JAZF1: variants seen among roughly 807,000 people sequenced by gnomAD.
The protein encoded by JAZF1 is JAZF zinc finger 1.
JAZF1 carries 8 observed loss-of-function variants against 26.4 expected under a neutral mutation model. That is an observed-to-expected ratio of 0.30 (90% CI 0.18 to 0.55). The LOEUF is 0.55. JAZF1 is among the 20% of genes least tolerant of loss of function. JAZF1 has a pLI of 0.94. For missense variants in JAZF1, 199 were observed against 322.0 expected (o/e 0.62, Z 2.92); for synonymous variants, 126 against 122.3 (o/e 1.03, Z -0.20).
chr7:28,090,868 G>A (rs1319694041), intron 1 of JAZF1, among the ~76,000 whole-genome samples: 4 of 133,850 alleles, frequency 3.0e-5, no homozygotes, highest in Non-Finnish European at 4.6e-5. Context: ...CACCCAGGCC[G>A]GACTGCGGAC....
chr7:27,919,752 C>G (rs1784499781), intron 2 of JAZF1, among the ~76,000 whole-genome samples: 1 of 152,206 alleles, frequency 6.6e-6, no homozygotes, highest in South Asian at 2.1e-4. Context: ...ATTGGACCAG[C>G]AGTCCAATTC....
intron 1 of JAZF1, among the ~76,000 whole-genome samples, chr7:28,170,381 GTGTGTGTGTGTGTA>G (rs1388702558): frequency 5.5e-5 from 7 of 126,214 alleles, no homozygotes; most frequent in South Asian, 2.4e-4. Context: ...GTGTGTGTGT[GTGTGTGTGTGTGTA>G]TGTGTGTATG....
Position 27,840,909 on chromosome 7 carries a change from T to C in JAZF1, c.386-42A>G, listed in dbSNP as rs372394437. ...GTGCAAGGACTGTCAGGAGCGCTCA[T>C]CTCCCCACAGGTTCACCCGGCCACT... is the stretch of plus-strand genomic sequence containing the variant. On this transcript the variant is annotated intron_variant, in intron 3 of 4. Coordinates refer to ENST00000283928, the MANE Select transcript of JAZF1 (RefSeq NM_175061.4). The surrounding 1 kb of genome is among the most constrained non-coding windows in gnomAD (Gnocchi z 5.1). The C allele has an allele frequency of 3.2e-5, 51 of 1,603,544 alleles. 1 individual carries two copies. In the South Asian group the frequency reaches 4.1e-4, roughly 13 times the overall value.
At chr7:28,043,569 T>G (rs1285840118) in intron 1 of JAZF1, among the ~76,000 whole-genome samples, 1 of 152,182 alleles carries the variant, frequency 6.6e-6, no homozygotes, top group Non-Finnish European at 1.5e-5. Flanking sequence ...ACAGCCATTG[T>G]AGAAAACTGG....
intron 3 of JAZF1, among the ~76,000 whole-genome samples, chr7:27,857,045 C>T (rs189666944): frequency 0.011 from 1,709 of 152,380 alleles, 42 homozygotes; most frequent in African/African-American, 0.039. Context: ...AGTCCCGCGC[C>T]GTGTGCCTGC....
At chr7:28,062,230 G>A (rs762183742) in intron 1 of JAZF1, among the ~76,000 whole-genome samples, 1 of 152,080 alleles carries the variant, frequency 6.6e-6, no homozygotes, top group Non-Finnish European at 1.5e-5. Context: ...GACTGGACTC[G>A]AAGCATTTCT....
intron 1 of JAZF1, among the ~76,000 whole-genome samples, chr7:28,069,265 T>C (rs934758542): frequency 3.3e-5 from 5 of 152,216 alleles, no homozygotes; most frequent in Admixed American, 3.3e-4. Context: ...AGAACTGACC[T>C]TCCTCACCAA....
intron 3 of JAZF1, among the ~76,000 whole-genome samples, chr7:27,884,436 T>C (rs1054124554): frequency 5.9e-5 from 9 of 152,224 alleles, no homozygotes; most frequent in African/African-American, 2.2e-4. Flanking sequence ...AGGTATATAA[T>C]TGGATGAGCT....
intron 2 of JAZF1, among the ~76,000 whole-genome samples, chr7:27,985,137 C>G (rs1370357782): frequency 6.6e-6 from 1 of 152,004 alleles, no homozygotes; most frequent in Non-Finnish European, 1.5e-5. Context: ...ACACAAAAAC[C>G]CTTCAAAAAA....
intron 1 of JAZF1, among the ~76,000 whole-genome samples, chr7:28,107,501 C>G (rs1192213850): frequency 6.6e-6 from 1 of 152,162 alleles, no homozygotes; most frequent in Non-Finnish European, 1.5e-5. Flanking sequence ...TGACATACAG[C>G]ATGAAACAGC....
At chr7:28,178,062 T>A (rs1783574330) in intron 1 of JAZF1, among the ~76,000 whole-genome samples, 1 of 152,228 alleles carries the variant, frequency 6.6e-6, no homozygotes, top group Non-Finnish European at 1.5e-5. Flanking sequence ...TCAACTGTGT[T>A]AGCCCTGCAA....
chr7:28,121,114 C>A (rs112199747), intron 1 of JAZF1, among the ~76,000 whole-genome samples: 4 of 147,210 alleles, frequency 2.7e-5, no homozygotes, highest in Non-Finnish European at 5.9e-5. Flanking sequence ...GCTGAAGAAC[C>A]CTTTGAATCT....
intron 1 of JAZF1, among the ~76,000 whole-genome samples, chr7:28,013,220 T>C (rs1285985538): frequency 6.6e-6 from 1 of 152,184 alleles, no homozygotes; most frequent in Non-Finnish European, 1.5e-5. Flanking sequence ...CTAAGCTCCC[T>C]GGGGACAAGC....
chr7:27,862,695 C>T (rs962606715), intron 3 of JAZF1, among the ~76,000 whole-genome samples: 1 of 152,154 alleles, frequency 6.6e-6, no homozygotes, highest in African/African-American at 2.4e-5. Flanking sequence ...AAGTCAGTGA[C>T]CTCTTTTCCA....
chr7:28,108,021 C>T lies in JAZF1; in HGVS notation c.115+72442G>A, dbSNP rs115593248. On this transcript the variant is annotated intron_variant, in intron 1 of 4. Transcript: ENST00000283928. Reference sequence around the variant, plus strand: ...ACAATGAGCTCCCAGGTCCCAGAGGCCCACTGATCAGACCTGGGGGGTGGG... The same window carrying T: ...ACAATGAGCTCCCAGGTCCCAGAGGTCCACTGATCAGACCTGGGGGGTGGG... Among the ~76,000 whole-genome samples the T allele has an allele frequency of 1.1e-3, 162 of 152,292 alleles. 1 individual carries two copies. Among genetic ancestry groups the T allele is most frequent in the African/African-American group, 3.8e-3 (158 of 41,566 alleles).
intron 2 of JAZF1, among the ~76,000 whole-genome samples, chr7:27,941,318 T>C (rs1028435627): frequency 3.9e-5 from 6 of 152,226 alleles, no homozygotes; most frequent in Non-Finnish European, 7.3e-5. Flanking sequence ...ATGTGATCTT[T>C]TTGCCAATAT....
rs558309104 is a variant in JAZF1 at position 28,125,338 on chromosome 7, T to C, written c.115+55125A>G. Among the ~76,000 whole-genome samples, 40 of 152,232 alleles carry C rather than the reference T, an allele frequency of 2.6e-4. 1 individual carries two copies. Among genetic ancestry groups the C allele is most frequent in the African/African-American group, 9.4e-4 (39 of 41,532 alleles). On this transcript the variant is annotated intron_variant, in intron 1 of 4. Coordinates refer to ENST00000283928, the MANE Select transcript of JAZF1 (RefSeq NM_175061.4). ...ACAATTGTAATCACAGAAATAAATGTAGTAAAACGATAATTTATCTGTCAC... is the reference window on the plus strand; with the variant it reads ...ACAATTGTAATCACAGAAATAAATGCAGTAAAACGATAATTTATCTGTCAC...
chr7:28,102,625 A>G (rs1784491316), intron 1 of JAZF1, among the ~76,000 whole-genome samples: 1 of 152,256 alleles, frequency 6.6e-6, no homozygotes, highest in Middle Eastern at 3.4e-3. Context: ...TATGTGGTTG[A>G]AAAAAAGTCT....
intron 1 of JAZF1, among the ~76,000 whole-genome samples, chr7:28,072,303 C>T (rs915300067): frequency 3.3e-5 from 5 of 152,140 alleles, no homozygotes; most frequent in African/African-American, 1.2e-4. Flanking sequence ...TTCCCACAAC[C>T]CACTGAACTG....
Sources: allele counts gnomAD v4.1 joint callset (sites outside exome capture counted in the v4.1 genomes callset), GRCh38; gene constraint gnomAD v4.1.1; non-coding constraint Gnocchi (gnomAD v3.1); transcripts MANE v1.5; gene names NCBI Gene and HGNC (gene_info 2026-07-23, HGNC 2026-07-21).